Variants in GALNT18 observed in about 807,000 individuals in gnomAD.
GALNT18 encodes GalNAc-transferase 18.
In GALNT18, 44 loss-of-function variants were observed where a neutral mutation model predicts 69.5. That is an observed-to-expected ratio of 0.63 (90% CI 0.50 to 0.81). GALNT18 has a LOEUF of 0.81. Ranked by LOEUF, GALNT18 falls within the 40% of genes least tolerant of loss-of-function variation. GALNT18 has a pLI of 0.00. For synonymous variants in GALNT18, 364 were observed against 318.2 expected, an observed-to-expected ratio of 1.14 and a Z score of -1.53; for missense variants, 715 against 810.0, an observed-to-expected ratio of 0.88 and a Z score of 1.42.
rs1859967290 is a variant in GALNT18 at position 11,613,607 on chromosome 11, G to C, written c.235+7752C>G. 6.6e-6 allele frequency among the ~76,000 whole-genome samples: 1 copy of C among 152,228 alleles called. No homozygotes were observed. Among genetic ancestry groups the C allele is most frequent in the Admixed American group, 6.5e-5 (1 of 15,284 alleles). ...AAACATCAAGGACCCCTGGGCTCAAGCATTGCATTACAGATGGAGCTGACT... is the reference window on the plus strand; with the variant it reads ...AAACATCAAGGACCCCTGGGCTCAACCATTGCATTACAGATGGAGCTGACT... On this transcript the variant is annotated intron_variant, in intron 1 of 10. Transcript: ENST00000227756. This position sits in a 1 kb window ranked among gnomAD's most constrained non-coding sequence, Gnocchi z 4.2.
intron 1 of GALNT18, among the ~76,000 whole-genome samples, chr11:11,467,111 A>G (rs1037874684): frequency 7.9e-5 from 12 of 152,314 alleles, no homozygotes; most frequent in African/African-American, 2.9e-4. Flanking sequence ...GGGAGGCAGG[A>G]GGCCCTTAAT....
rs1319643457 is a variant in GALNT18 at position 11,421,744 on chromosome 11, T to A, written c.595+10877A>T. On this transcript the variant is annotated intron_variant, in intron 3 of 10. Transcript: ENST00000227756. The surrounding 1 kb of genome is among the most constrained non-coding windows in gnomAD (Gnocchi z 5.6). ...AGAAACAATACTTCTCTGCAGAGTC[T>A]CTGCAGAGTCTCTGCAGAGGTCAGG... is the stretch of plus-strand genomic sequence containing the variant. Among the ~76,000 whole-genome samples, 1 of 152,078 alleles carries A rather than the reference T, an allele frequency of 6.6e-6. No homozygotes were observed. The highest frequency in any genetic ancestry group is 1.5e-5 in the Non-Finnish European group (1 of 68,012).
At chr11:11,419,767 C>G (rs1475934904) in intron 3 of GALNT18, among the ~76,000 whole-genome samples, 1 of 151,966 alleles carries the variant, frequency 6.6e-6, no homozygotes, top group Non-Finnish European at 1.5e-5. Context: ...TGCAGGCTGC[C>G]TTTACGTCTC....
At chr11:11,361,980 C>A (rs1191611683) in intron 6 of GALNT18, among the ~76,000 whole-genome samples, 1 of 151,982 alleles carries the variant, frequency 6.6e-6, no homozygotes, top group Non-Finnish European at 1.5e-5. Flanking sequence ...ATAAATAGAC[C>A]AACAGATCAA....
At chr11:11,517,580 G>A (rs913044685) in intron 1 of GALNT18, among the ~76,000 whole-genome samples, 12 of 152,146 alleles carry the variant, frequency 7.9e-5, no homozygotes, top group African/African-American at 2.9e-4. Context: ...TTTAGCCCTG[G>A]CATCCCTGCT....
At chr11:11,566,635 G>A (rs1359566698) in intron 1 of GALNT18, among the ~76,000 whole-genome samples, 3 of 152,136 alleles carry the variant, frequency 2.0e-5, no homozygotes, top group African/African-American at 7.2e-5. Flanking sequence ...AAAGATAAGA[G>A]AAATATGGCA....
At chr11:11,277,712 A>G (rs1019045036) in intron 10 of GALNT18, among the ~76,000 whole-genome samples, 2 of 152,118 alleles carry the variant, frequency 1.3e-5, no homozygotes, top group Non-Finnish European at 2.9e-5. Flanking sequence ...CTTTGTTCTC[A>G]TTGGTTTCAA....
intron 6 of GALNT18, among the ~76,000 whole-genome samples, chr11:11,365,884 C>G (rs76029366): frequency 1.3e-5 from 2 of 152,198 alleles, no homozygotes; most frequent in Non-Finnish European, 2.9e-5. Flanking sequence ...ATTCTTGGAA[C>G]TGTAGAAACT....
At position 11,500,974 on chromosome 11, in the gene GALNT18, C is replaced by T. The variant is rs1056724516; in HGVS notation, c.236-52038G>A. Reference sequence around the variant, plus strand: ...ACAGGGGCCTTGGGGCAACACCTGTCGCAGACTGGAAACTGGGCAGAACAG... The same window carrying T: ...ACAGGGGCCTTGGGGCAACACCTGTTGCAGACTGGAAACTGGGCAGAACAG... On this transcript the variant is annotated intron_variant, in intron 1 of 10. Transcript: ENST00000227756. This position sits in a 1 kb window ranked among gnomAD's most constrained non-coding sequence, Gnocchi z 5.0. 1.3e-5 allele frequency among the ~76,000 whole-genome samples: 2 copies of T among 152,194 alleles called. No individual in the cohort carries two copies. Among genetic ancestry groups the T allele is most frequent in the South Asian group, 2.1e-4 (1 of 4,824 alleles).
At chr11:11,484,019 C>T (rs1374124715) in intron 1 of GALNT18, among the ~76,000 whole-genome samples, 2 of 152,146 alleles carry the variant, frequency 1.3e-5, no homozygotes, top group Non-Finnish European at 2.9e-5. Context: ...CGGAAGGACA[C>T]AGCACCTACT....
In GALNT18 at chr11:11,523,202, A is replaced by G. The variant is rs1857438940; in HGVS notation, c.236-74266T>C. On this transcript the variant is annotated intron_variant, in intron 1 of 10. Transcript: ENST00000227756. The surrounding 1 kb of genome is among the most constrained non-coding windows in gnomAD (Gnocchi z 4.3). The stretch of plus-strand genomic sequence containing the variant: ...ACCCACAGACATTATGAACTTGAGA[A>G]AGTCATTTCACTTTCTTTCAAAGAA... 6.6e-6 allele frequency among the ~76,000 whole-genome samples: 1 copy of G among 152,162 alleles called. No individual in the cohort carries two copies. The highest frequency in any genetic ancestry group is 6.5e-5 in the Admixed American group (1 of 15,274).
At chr11:11,346,021 C>A (rs1295198428) in intron 6 of GALNT18, among the ~76,000 whole-genome samples, 3 of 152,210 alleles carry the variant, frequency 2.0e-5, no homozygotes, top group Non-Finnish European at 4.4e-5. Context: ...CTCTCTGTGC[C>A]TTTGCACCTG....
At chr11:11,446,233 C>T (rs1164472528) in intron 2 of GALNT18, among the ~76,000 whole-genome samples, 1 of 152,168 alleles carries the variant, frequency 6.6e-6, no homozygotes, top group Non-Finnish European at 1.5e-5. Flanking sequence ...TTAATGTGGT[C>T]CAAATGGGAA....
Position 11,469,959 on chromosome 11 carries a change from A to C in GALNT18, c.236-21023T>G, listed in dbSNP as rs1263672561. Among the ~76,000 whole-genome samples the C allele has an allele frequency of 6.6e-6, 1 of 152,180 alleles. No individual in the cohort carries two copies. The highest frequency in any genetic ancestry group is 1.5e-5 in the Non-Finnish European group (1 of 68,040). On this transcript the variant is annotated intron_variant, in intron 1 of 10. Transcript: ENST00000227756. This position sits in a 1 kb window ranked among gnomAD's most constrained non-coding sequence, Gnocchi z 4.2. ...GCTTTCCAAAACATCACTGGTCTCC[A>C]AGAGGATTTTGTTCTTTGAATGAAT...
Position 11,432,362 on chromosome 11 carries a change from T to A in GALNT18, c.595+259A>T, listed in dbSNP as rs971853724. Among the ~76,000 whole-genome samples, 1 of 152,210 alleles carries A rather than the reference T, an allele frequency of 6.6e-6. No individual in the cohort carries two copies. Among genetic ancestry groups the A allele is most frequent in the East Asian group, 1.9e-4 (1 of 5,198 alleles). ...TAGGAGGTCAGGGCCTTCTATCTTA[T>A]CTATTGCACTGGAATATGGGAGGGG... On this transcript the variant is annotated intron_variant, in intron 3 of 10. Transcript: ENST00000227756. This position sits in a 1 kb window ranked among gnomAD's most constrained non-coding sequence, Gnocchi z 5.8.
rs886200598 is a variant in GALNT18 at position 11,540,358 on chromosome 11, A to G, written c.235+81001T>C. On this transcript the variant is annotated intron_variant, in intron 1 of 10. Coordinates refer to ENST00000227756, the MANE Select transcript of GALNT18 (RefSeq NM_198516.3). The surrounding 1 kb of genome is among the most constrained non-coding windows in gnomAD (Gnocchi z 4.6). ...TGACTCCTACATCCCTGATGCTAGG[A>G]CAAGAGCATGCCAAGAGCCCTGGGT... 6.6e-6 allele frequency among the ~76,000 whole-genome samples: 1 copy of G among 152,140 alleles called. No homozygotes were observed. The highest frequency in any genetic ancestry group is 2.4e-5 in the African/African-American group (1 of 41,412).
Position 11,280,147 on chromosome 11 carries a change from C to T in GALNT18, c.1678-8857G>A, listed in dbSNP as rs192288774. Among the ~76,000 whole-genome samples the T allele has an allele frequency of 2.8e-3, 425 of 152,244 alleles. 2 individuals are homozygous for T. The highest frequency in any genetic ancestry group is 4.5e-3 in the Non-Finnish European group (309 of 68,022). ...TGTGCCCCACACCCCAGGGCACCCC[C>T]CGCCCGGGGAGTGCAGTGATTCAGT... On this transcript the variant is annotated intron_variant, in intron 10 of 10. Transcript: ENST00000227756.
At position 11,347,848 on chromosome 11, in the gene GALNT18, G is replaced by A. The variant is rs1392581840; in HGVS notation, c.1093-6844C>T. Among the ~76,000 whole-genome samples the A allele has an allele frequency of 6.6e-6, 1 of 152,216 alleles. No individual in the cohort carries two copies. Among genetic ancestry groups the A allele is most frequent in the Non-Finnish European group, 1.5e-5 (1 of 68,042 alleles). On this transcript the variant is annotated intron_variant, in intron 6 of 10. Coordinates refer to ENST00000227756, the MANE Select transcript of GALNT18 (RefSeq NM_198516.3). The surrounding 1 kb of genome is among the most constrained non-coding windows in gnomAD (Gnocchi z 4.0). ...CTTGGCTGCAAAAGCAGAGACAAGAGTGAAAAGCCAAAACCAGCAGGCTAT... is the reference window on the plus strand; with the variant it reads ...CTTGGCTGCAAAAGCAGAGACAAGAATGAAAAGCCAAAACCAGCAGGCTAT...
At position 11,465,724 on chromosome 11, in the gene GALNT18, G is replaced by T. The variant is rs184046041; in HGVS notation, c.236-16788C>A. On this transcript the variant is annotated intron_variant, in intron 1 of 10. Transcript: ENST00000227756. This position sits in a 1 kb window ranked among gnomAD's most constrained non-coding sequence, Gnocchi z 5.7. ...CGGTTAGCTCCTGGACCATGGACCT[G>T]GGCAAGGTCAGCTGGCTCCATATTA... Among the ~76,000 whole-genome samples the T allele has an allele frequency of 6.6e-6, 1 of 152,222 alleles. No individual in the cohort carries two copies. Among genetic ancestry groups the T allele is most frequent in the African/African-American group, 2.4e-5 (1 of 41,536 alleles).
Sources: allele counts gnomAD v4.1 joint callset (sites outside exome capture counted in the v4.1 genomes callset), GRCh38; gene constraint gnomAD v4.1.1; non-coding constraint Gnocchi (gnomAD v3.1); transcripts MANE v1.5; gene names NCBI Gene and HGNC (gene_info 2026-07-23, HGNC 2026-07-21).